Variants in STX8 observed in about 807,000 individuals in gnomAD.
The protein encoded by STX8 is syntaxin 8, also known as syntaxin-8.
In STX8, 23 loss-of-function variants were observed where a neutral mutation model predicts 37.5. That is an observed-to-expected ratio of 0.61 (90% CI 0.44 to 0.87). The LOEUF (loss-of-function observed/expected upper bound fraction) is 0.87, where lower values mean the gene tolerates loss of function less well. Among genes scored for constraint, STX8 ranks in the 40% least tolerant of loss-of-function variants. The pLI is 0.00. For missense variants in STX8, 313 were observed against 284.7 expected, an observed-to-expected ratio of 1.10 and a Z score of -0.71; for synonymous variants, 115 against 99.1, an observed-to-expected ratio of 1.16 and a Z score of -0.95.
At chr17:9,466,814 T>C (rs377650979) in intron 6 of STX8, among the ~76,000 whole-genome samples, 1 of 152,200 alleles carries the variant, frequency 6.6e-6, no homozygotes, top group Admixed American at 6.5e-5. Flanking sequence ...CTCCGAAGCA[T>C]GAGGCATTCT....
intron 2 of STX8, among the ~76,000 whole-genome samples, chr17:9,559,246 A>G (rs1907110817): frequency 6.6e-6 from 1 of 152,242 alleles, no homozygotes; most frequent in Admixed American, 6.5e-5. Flanking sequence ...TCACATTTTA[A>G]GCTACCATAA....
intron 6 of STX8, among the ~76,000 whole-genome samples, chr17:9,392,387 T>C (rs1046178103): frequency 6.6e-6 from 1 of 152,160 alleles, no homozygotes; most frequent in African/African-American, 2.4e-5. Flanking sequence ...TCGTGATGAT[T>C]GTTTGAGCCC....
chr17:9,522,425 C>T (rs1253135769), intron 4 of STX8, among the ~76,000 whole-genome samples: 3 of 151,610 alleles, frequency 2.0e-5, no homozygotes, highest in South Asian at 2.1e-4. Context: ...CGGCCGGGCA[C>T]GGTGGCTCAC....
intron 7 of STX8, among the ~76,000 whole-genome samples, chr17:9,301,114 G>T (rs1263113910): frequency 6.6e-6 from 1 of 152,068 alleles, no homozygotes; most frequent in Non-Finnish European, 1.5e-5. Flanking sequence ...TTACAGACGT[G>T]AGCCACCACT....
At chr17:9,482,838 C>T (rs931925225) in intron 6 of STX8, among the ~76,000 whole-genome samples, 1 of 152,020 alleles carries the variant, frequency 6.6e-6, no homozygotes. Context: ...GGGTTGAACC[C>T]GGGAGGCGGA....
At chr17:9,472,877 C>CT (rs1905932559) in intron 6 of STX8, among the ~76,000 whole-genome samples, 2 of 152,266 alleles carry the variant, frequency 1.3e-5, no homozygotes, top group Non-Finnish European at 2.9e-5. Context: ...GCTGCGTGGC[C>CT]AGGGTCAAGA....
intron 6 of STX8, among the ~76,000 whole-genome samples, chr17:9,460,970 C>T (rs1409600311): frequency 1.2e-5 from 1 of 80,744 alleles, no homozygotes; most frequent in African/African-American, 4.4e-5. Context: ...TTGGTCATCA[C>T]TGCTTTTTTT....
intron 7 of STX8, among the ~76,000 whole-genome samples, chr17:9,325,610 G>A (rs1301334436): frequency 4.6e-5 from 7 of 152,348 alleles, no homozygotes; most frequent in Middle Eastern, 3.4e-3. Context: ...TGGGCTGCGC[G>A]AATTACATAG....
chr17:9,552,095 T>C (rs182589409), intron 3 of STX8, among the ~76,000 whole-genome samples: 3 of 152,276 alleles, frequency 2.0e-5, no homozygotes, highest in Admixed American at 1.3e-4. Flanking sequence ...CTCACACCAG[T>C]AATCCAAACA....
At chr17:9,359,926 C>T (rs977724237) in intron 7 of STX8, among the ~76,000 whole-genome samples, 5 of 151,898 alleles carry the variant, frequency 3.3e-5, no homozygotes, top group Admixed American at 3.3e-4. Flanking sequence ...CAGAGAAGAG[C>T]CTCATTCTGT....
intron 6 of STX8, 145 bp downstream of exon 6, chr17:9,491,684 C>T (rs896571952): frequency 1.5e-6 from 1 of 671,560 alleles, no homozygotes; most frequent in Non-Finnish European, 2.4e-6. Context: ...TCTGCCACAA[C>T]CCCCACTCCA....
intron 4 of STX8, among the ~76,000 whole-genome samples, chr17:9,514,641 T>C (rs1341515861): frequency 6.6e-6 from 1 of 152,050 alleles, no homozygotes; most frequent in Non-Finnish European, 1.5e-5. Flanking sequence ...AACAAAATGA[T>C]GACAATGATG....
intron 7 of STX8, among the ~76,000 whole-genome samples, chr17:9,318,947 G>T (rs1909476646): frequency 6.6e-6 from 1 of 152,182 alleles, no homozygotes. Flanking sequence ...AGCCAGTGCG[G>T]ATTGGAGCAG....
intron 6 of STX8, among the ~76,000 whole-genome samples, chr17:9,478,801 G>A (rs1191444038): frequency 1.5e-4 from 23 of 152,150 alleles, no homozygotes; most frequent in Non-Finnish European, 5.9e-5. Flanking sequence ...TGTAGCCTCT[G>A]AGATCTCACA....
At chr17:9,450,463 C>T (rs1014465078) in intron 6 of STX8, among the ~76,000 whole-genome samples, 2 of 151,754 alleles carry the variant, frequency 1.3e-5, no homozygotes, top group Non-Finnish European at 2.9e-5. Context: ...CCTTCAAATT[C>T]TCCAAGACCC....
At chr17:9,471,631 G>T (rs534734375) in intron 6 of STX8, among the ~76,000 whole-genome samples, 2 of 152,174 alleles carry the variant, frequency 1.3e-5, no homozygotes, top group African/African-American at 4.8e-5. Flanking sequence ...TGGGATGTGG[G>T]TACATGCCAG....
chr17:9,494,615 C>CAAA (rs35806606), intron 5 of STX8, among the ~76,000 whole-genome samples: 680 of 64,276 alleles, frequency 0.011, 69 homozygotes, highest in African/African-American at 0.037. Context: ...GAACCTGTCT[C>CAAA]AAAAAAAAAA....
intron 7 of STX8, among the ~76,000 whole-genome samples, chr17:9,342,077 G>T (rs888892856): frequency 6.6e-6 from 1 of 152,106 alleles, no homozygotes; most frequent in African/African-American, 2.4e-5. Context: ...TGGTTTTCGG[G>T]ATGAAACTGT....
rs541599764 is a variant in STX8, at chr17:9,352,591, C to G, written c.643+25961G>C. ...CACGCCATTCTCCTGCCTCAGCCTC[C>G]CGGGTTCACGCCATTCTCCTGCCTC... is the stretch of plus-strand genomic sequence containing the variant. On this transcript the variant is annotated intron_variant, in intron 7 of 7. Coordinates refer to ENST00000306357, the MANE Select transcript of STX8 (RefSeq NM_004853.3). Among the ~76,000 whole-genome samples the G allele has an allele frequency of 9.9e-5, 15 of 151,838 alleles. No individual in the cohort carries two copies. The South Asian group carries it at 1.5e-3, about 15-fold the overall frequency.
Sources: allele counts gnomAD v4.1 joint callset (sites outside exome capture counted in the v4.1 genomes callset), GRCh38; gene constraint gnomAD v4.1.1; transcripts MANE v1.5; gene names NCBI Gene and HGNC (gene_info 2026-07-23, HGNC 2026-07-21).